The following FMN2 variants were observed in gnomAD, a reference collection of about 807,000 sequenced individuals.
FMN2 encodes formin 2, also known as formin-2.
FMN2 carries 51 observed loss-of-function variants against 142.3 expected under a neutral mutation model. The ratio of observed to expected loss-of-function variants is 0.36; its 90% CI spans 0.29 to 0.45. FMN2 has a LOEUF of 0.45. Ranked by LOEUF, FMN2 falls within the 20% of genes least tolerant of loss-of-function variation. The pLI, the probability that FMN2 is intolerant of heterozygous loss-of-function variation, is 1.00. For missense variants in FMN2, 1,936 were observed against 2,122.8 expected, an observed-to-expected ratio of 0.91 and a Z score of 1.73; for synonymous variants, 882 against 869.8, an observed-to-expected ratio of 1.01 and a Z score of -0.25.
chr1:240,189,109 G>A (rs550208024), intron 4 of FMN2, among the ~76,000 whole-genome samples: 1 of 150,864 alleles, frequency 6.6e-6, no homozygotes, highest in East Asian at 1.9e-4. Context: ...TACCAAAGAA[G>A]CCAAATTTTG....
intron 8 of FMN2, among the ~76,000 whole-genome samples, chr1:240,298,758 T>A (rs200574980): frequency 6.6e-6 from 1 of 152,146 alleles, no homozygotes; most frequent in South Asian, 2.1e-4. Flanking sequence ...GCCAGGTCTG[T>A]GGAAGAATTG....
chr1:240,361,360 T>C (rs1054091852), intron 14 of FMN2, among the ~76,000 whole-genome samples: 1 of 151,672 alleles, frequency 6.6e-6, no homozygotes, highest in Admixed American at 6.6e-5. Flanking sequence ...GGAGCAACAG[T>C]TTCCCAGTGA....
At chr1:240,155,729 T>A (rs1663995182) in intron 2 of FMN2, among the ~76,000 whole-genome samples, 1 of 152,162 alleles carries the variant, frequency 6.6e-6, no homozygotes, top group Admixed American at 6.5e-5. Context: ...AGGTTTCTAG[T>A]TTTGCAGATT....
intron 7 of FMN2, among the ~76,000 whole-genome samples, chr1:240,271,376 T>C (rs370429506): frequency 3.6e-4 from 54 of 151,670 alleles, no homozygotes; most frequent in African/African-American, 1.2e-3. Context: ...AGGCTCAGTG[T>C]GAGCAATGTT....
At chr1:240,385,527 A>T (rs1450910367) in intron 14 of FMN2, among the ~76,000 whole-genome samples, 1 of 152,180 alleles carries the variant, frequency 6.6e-6, no homozygotes, top group East Asian at 1.9e-4. Context: ...GTATGATTTG[A>T]TATAAAAATT....
chr1:240,405,894 C>T (rs981510944), intron 15 of FMN2, among the ~76,000 whole-genome samples: 2 of 152,132 alleles, frequency 1.3e-5, no homozygotes, highest in Non-Finnish European at 2.9e-5. Flanking sequence ...CTACAAGTTA[C>T]AAAGGATCAA....
At chr1:240,270,215 A>G (rs1293673183) in intron 7 of FMN2, among the ~76,000 whole-genome samples, 1 of 152,004 alleles carries the variant, frequency 6.6e-6, no homozygotes, top group Non-Finnish European at 1.5e-5. Flanking sequence ...TCTATACCCA[A>G]TTTGTTGGGA....
chr1:240,370,090 C>A (rs1206579950), intron 14 of FMN2, among the ~76,000 whole-genome samples: 1 of 152,054 alleles, frequency 6.6e-6, no homozygotes, highest in Non-Finnish European at 1.5e-5. Flanking sequence ...TCCCATATGG[C>A]CTTAAAAACT....
chr1:240,306,060 C>G (rs925497128), intron 8 of FMN2, among the ~76,000 whole-genome samples: 2 of 151,524 alleles, frequency 1.3e-5, no homozygotes, highest in Non-Finnish European at 2.9e-5. Flanking sequence ...AGTGATTCTC[C>G]TGCCTCAACC....
chr1:240,408,249 G>C (rs1674278530), intron 15 of FMN2, among the ~76,000 whole-genome samples: 1 of 152,130 alleles, frequency 6.6e-6, no homozygotes, highest in African/African-American at 2.4e-5. Flanking sequence ...AGGGATATTT[G>C]ACATAGTTTT....
intron 8 of FMN2, among the ~76,000 whole-genome samples, chr1:240,327,521 CT>C (rs149304094): frequency 2.6e-4 from 39 of 152,252 alleles, no homozygotes; most frequent in African/African-American, 9.4e-4. Flanking sequence ...AGAATATTAA[CT>C]TCTGAAGACG....
intron 2 of FMN2, among the ~76,000 whole-genome samples, chr1:240,176,162 T>C (rs1407767876): frequency 6.6e-6 from 1 of 152,256 alleles, no homozygotes; most frequent in Non-Finnish European, 1.5e-5. Flanking sequence ...CCTGTATGTT[T>C]TCGTCTAAGA....
intron 2 of FMN2, among the ~76,000 whole-genome samples, chr1:240,140,351 T>A (rs747118169): frequency 5.9e-5 from 9 of 152,260 alleles, no homozygotes; most frequent in Admixed American, 6.5e-5. Flanking sequence ...TTTATTTTCC[T>A]TTTGCAGAAT....
chr1:240,148,017 T>G (rs561150202), intron 2 of FMN2, among the ~76,000 whole-genome samples: 34 of 152,316 alleles, frequency 2.2e-4, no homozygotes, highest in Admixed American at 1.1e-3. Flanking sequence ...CACTCACCTT[T>G]GAATTCTCAA....
chr1:240,307,460 T>C (rs1670449783), intron 8 of FMN2, among the ~76,000 whole-genome samples: 1 of 152,260 alleles, frequency 6.6e-6, no homozygotes, highest in African/African-American at 2.4e-5. Context: ...TTCTTCTGCA[T>C]ATGGTTAGCC....
chr1:240,123,158 A>G, intron 1 of FMN2, 21 bp from the exon 2 acceptor site: 1 of 1,613,708 alleles, frequency 6.2e-7, no homozygotes, highest in Non-Finnish European at 8.5e-7. Context: ...CTCGCTCTTA[A>G]TGACTGTGTT....
At chr1:240,357,503 A>G (rs1270432009) in intron 14 of FMN2, among the ~76,000 whole-genome samples, 1 of 152,148 alleles carries the variant, frequency 6.6e-6, no homozygotes, top group East Asian at 1.9e-4. Context: ...AAAGGCAGTT[A>G]GAGGTGTTTA....
At chr1:240,154,399 T>A (rs545886332) in intron 2 of FMN2, among the ~76,000 whole-genome samples, 5 of 152,066 alleles carry the variant, frequency 3.3e-5, no homozygotes, top group Admixed American at 1.3e-4. Flanking sequence ...GTTTTCAAGG[T>A]GGAAAAGACA....
chr1:240,349,355 G>T (rs12405612), intron 13 of FMN2, among the ~76,000 whole-genome samples: 10,077 of 152,240 alleles, frequency 0.066, 420 homozygotes, highest in Non-Finnish European at 0.088. Context: ...TCTGTTATGT[G>T]ACTTCCTTCC....
Sources: allele counts gnomAD v4.1 joint callset (sites outside exome capture counted in the v4.1 genomes callset), GRCh38; gene constraint gnomAD v4.1.1; transcripts MANE v1.5; gene names NCBI Gene and HGNC (gene_info 2026-07-23, HGNC 2026-07-21).